Variants in ETFDH observed in about 807,000 individuals in gnomAD.
The protein encoded by ETFDH is electron transfer flavoprotein-ubiquinone oxidoreductase, mitochondrial.
A neutral mutation model predicts 73.2 loss-of-function variants in ETFDH; 61 were observed. The observed-to-expected ratio is 0.83, with a 90% CI of 0.68 to 1.03. The LOEUF (loss-of-function observed/expected upper bound fraction) is 1.03. Ranked by LOEUF, ETFDH falls within the 50% of genes least tolerant of loss-of-function variation. The pLI is 0.00. For synonymous variants in ETFDH, 243 were observed against 253.3 expected (o/e 0.96, Z 0.39); for missense variants, 685 against 745.0 (o/e 0.92, Z 0.94).
intron 1 of ETFDH, among the ~76,000 whole-genome samples, chr4:158,676,599 C>G (rs1211408247): frequency 6.6e-6 from 1 of 152,198 alleles, no homozygotes; most frequent in East Asian, 1.9e-4. Context: ...AAAGTTAGTT[C>G]AGCCTACTCC....
chr4:158,694,006 G>A (rs13106979), intron 6 of ETFDH, among the ~76,000 whole-genome samples: 2,153 of 152,138 alleles, frequency 0.014, 34 homozygotes, highest in Non-Finnish European at 0.02. Context: ...TTTCTTCAAA[G>A]AGGACTTTCC....
chr4:158,672,625 C>A (rs1248325930), intron 1 of ETFDH, 135 bp downstream of exon 1: 6 of 891,920 alleles, frequency 6.7e-6, no homozygotes, highest in Non-Finnish European at 1.1e-5. Flanking sequence ...AGGTCACGCG[C>A]TGTCAGCCTG....
chr4:158,675,768 C>CAAAAAAAAA (rs199648174), intron 1 of ETFDH, among the ~76,000 whole-genome samples: 1 of 78,714 alleles, frequency 1.3e-5, no homozygotes. Flanking sequence ...GACCCTGTCT[C>CAAAAAAAAA]AAAAAAAAAA....
At chr4:158,683,335 A>C (rs998697074) in intron 3 of ETFDH, among the ~76,000 whole-genome samples, 4 of 152,242 alleles carry the variant, frequency 2.6e-5, no homozygotes, top group Non-Finnish European at 5.9e-5. Flanking sequence ...GGTTGTGAAT[A>C]TACTTGCAAA....
chr4:158,672,609 G>C, intron 1 of ETFDH, 119 bp downstream of exon 1: 1 of 1,051,042 alleles, frequency 9.5e-7, no homozygotes, highest in Non-Finnish European at 1.5e-6. Context: ...AGGCTATCTA[G>C]GGCAAAGGTC....
intron 5 of ETFDH, among the ~76,000 whole-genome samples, chr4:158,686,557 G>A (rs1011392653): frequency 3.9e-5 from 6 of 152,104 alleles, no homozygotes; most frequent in Admixed American, 6.5e-5. Context: ...TTCTTCCTCC[G>A]AGGTATGGCT....
At chr4:158,688,131 T>G (rs572802546) in intron 5 of ETFDH, among the ~76,000 whole-genome samples, 5 of 152,046 alleles carry the variant, frequency 3.3e-5, no homozygotes, top group African/African-American at 1.2e-4. Context: ...CAGTGACTCA[T>G]GCCTGTTATC....
At chr4:158,689,636 A>ATATATATATATATATATATATATATATT (rs765147554) in intron 5 of ETFDH, among the ~76,000 whole-genome samples, 2 of 63,676 alleles carry the variant, frequency 3.1e-5, no homozygotes, top group Non-Finnish European at 6.0e-5. Context: ...ATATATATAT[A>ATATATATATATATATATATATATATATT]TTGTGGGGGG....
intron 1 of ETFDH, among the ~76,000 whole-genome samples, chr4:158,678,925 C>T (rs1773777617): frequency 6.6e-6 from 1 of 152,108 alleles, no homozygotes; most frequent in South Asian, 2.1e-4. Flanking sequence ...CTGAGATTTA[C>T]AGTCATGAGC....
chr4:158,679,910 A>T (rs1773799828), intron 1 of ETFDH: 1 of 139,692 alleles, frequency 7.2e-6, no homozygotes, highest in South Asian at 2.3e-4. Flanking sequence ...CATCTCTACT[A>T]AAAAAAAAAA....
chr4:158,685,018 G>C, intron 4 of ETFDH, 83 bp from the exon 5 acceptor site: 2 of 829,086 alleles, frequency 2.4e-6, no homozygotes, highest in Non-Finnish European at 4.1e-6. Flanking sequence ...AATACATATT[G>C]ATTCGAAATT....
chr4:158,680,099 A>AAAAAAAAAAAAAAAG (rs1232971602), intron 1 of ETFDH: 3 of 152,770 alleles, frequency 2.0e-5, no homozygotes, highest in Non-Finnish European at 4.3e-5. Flanking sequence ...AAAAAAAAAA[A>AAAAAAAAAAAAAAAG]AAGAAGAAGA....
intron 4 of ETFDH, chr4:158,684,882 G>C (rs549777410): frequency 5.6e-4 from 350 of 620,218 alleles, no homozygotes; most frequent in Admixed American, 1.3e-3. Context: ...AGATAGCCTT[G>C]TAAGCCAAGC....
intron 12 of ETFDH, 139 bp downstream of exon 12, chr4:158,706,989 C>A: frequency 3.4e-5 from 20 of 593,082 alleles, no homozygotes; most frequent in Non-Finnish European, 3.9e-5. Flanking sequence ...CTTTAGGAAA[C>A]ATACTTTTAA....
chr4:158,703,730 C>T, intron 10 of ETFDH, 139 bp downstream of exon 10: 1 of 640,060 alleles, frequency 1.6e-6, no homozygotes, highest in Non-Finnish European at 2.8e-6. Flanking sequence ...AACTACATGG[C>T]TTATTCTCAA....
intron 4 of ETFDH, 145 bp downstream of exon 4, chr4:158,684,818 G>T: frequency 3.0e-6 from 2 of 664,610 alleles, no homozygotes; most frequent in Admixed American, 2.6e-5. Context: ...CAGCTAGCTG[G>T]TGGGAAAGCA....
At chr4:158,685,031 A>C in intron 4 of ETFDH, 70 bp from the exon 5 acceptor site, 1 of 897,362 alleles carries the variant, frequency 1.1e-6, no homozygotes, top group Non-Finnish European at 1.8e-6. Flanking sequence ...TCGAAATTTT[A>C]AAGTATTTAT....
chr4:158,691,134 G>A (rs192784557), intron 6 of ETFDH, among the ~76,000 whole-genome samples: 1 of 152,290 alleles, frequency 6.6e-6, no homozygotes, highest in East Asian at 1.9e-4. Flanking sequence ...TCAGTAAGAT[G>A]TTACAACCAG....
At chr4:158,693,054 A>G (rs1395327259) in intron 6 of ETFDH, among the ~76,000 whole-genome samples, 2 of 152,094 alleles carry the variant, frequency 1.3e-5, no homozygotes, top group Non-Finnish European at 2.9e-5. Context: ...TACTACCACA[A>G]GATTAGAGTG....
Sources: allele counts gnomAD v4.1 joint callset (sites outside exome capture counted in the v4.1 genomes callset), GRCh38; gene constraint gnomAD v4.1.1; transcripts MANE v1.5; gene names NCBI Gene and HGNC (gene_info 2026-07-23, HGNC 2026-07-21).